The following RICTOR variants were observed in gnomAD, a reference collection of about 807,000 sequenced individuals.
The protein encoded by RICTOR is rapamycin-insensitive companion of mTOR.
A neutral mutation model predicts 214.9 loss-of-function variants in RICTOR; 49 were observed. The observed-to-expected ratio is 0.23, with a 90% CI of 0.18 to 0.29. The LOEUF (loss-of-function observed/expected upper bound fraction) is 0.29. RICTOR is among the 10% of genes least tolerant of loss of function. The probability of loss-of-function intolerance (pLI) is 1.00; values close to 1 mark genes in which losing one functional copy is unlikely to be tolerated. For synonymous variants in RICTOR, 717 were observed against 711.3 expected, an observed-to-expected ratio of 1.01 and a Z score of -0.13; for missense variants, 1,625 against 2,047.0, an observed-to-expected ratio of 0.79 and a Z score of 3.98.
chr5:39,017,146 C>T (rs903235498), intron 3 of RICTOR, among the ~76,000 whole-genome samples: 4 of 152,116 alleles, frequency 2.6e-5, no homozygotes, highest in African/African-American at 4.8e-5. Flanking sequence ...ATTCTTACCT[C>T]CATCCCCAAC....
At position 38,950,047 on chromosome 5, in the gene RICTOR, GCTTGT is replaced by G; in HGVS notation, c.3796_3800del (p.Thr1266ProfsTer8). On this transcript the variant is annotated frameshift_variant, in exon 31 of 38. Coordinates refer to ENST00000357387, the MANE Select transcript of RICTOR (RefSeq NM_152756.5). LOFTEE classifies it high-confidence loss of function. Reference sequence around the variant, plus strand: ...GGTTAGACTGTGGCGTCAAATAGTGGCTTGTCTTAATAGTTTTAGTACTTACCACA... The same window carrying G: ...GGTTAGACTGTGGCGTCAAATAGTGGCTTAATAGTTTTAGTACTTACCACA... 1 of 1,613,112 alleles carries G rather than the reference GCTTGT, an allele frequency of 6.2e-7. No individual in the cohort carries two copies. Among genetic ancestry groups the G allele is most frequent in the Admixed American group, 1.7e-5 (1 of 59,918 alleles).
At chr5:39,015,090 TA>T (rs1754844585) in intron 3 of RICTOR, among the ~76,000 whole-genome samples, 1 of 152,176 alleles carries the variant, frequency 6.6e-6, no homozygotes, top group Non-Finnish European at 1.5e-5. Flanking sequence ...CTCAGTTTAG[TA>T]ACAGAGCAAC....
intron 2 of RICTOR, among the ~76,000 whole-genome samples, chr5:39,071,560 T>C (rs1759324623): frequency 6.6e-6 from 1 of 152,202 alleles, no homozygotes; most frequent in Admixed American, 6.5e-5. Flanking sequence ...TTCTTAACCC[T>C]TTGAAGTTAT....
intron 2 of RICTOR, among the ~76,000 whole-genome samples, chr5:39,047,146 G>A (rs940311158): frequency 4.6e-5 from 7 of 152,076 alleles, no homozygotes; most frequent in African/African-American, 2.4e-5. Context: ...TCACATCCAA[G>A]TAGTCATCAA....
At position 38,939,807 on chromosome 5, in the gene RICTOR, G is replaced by T. The variant is rs1747338922; in HGVS notation, c.*2497C>A. The T allele has an allele frequency of 4.4e-6, 1 of 225,044 alleles. No individual in the cohort carries two copies. The highest frequency in any genetic ancestry group is 8.9e-6 in the Non-Finnish European group (1 of 112,870). 13.9% of individuals were successfully genotyped at this position (225,044 alleles called of 1,614,324 possible). A position where few individuals can be genotyped will look rare whatever the true frequency, so the allele number is the denominator to read the frequency against. On this transcript the variant is annotated 3_prime_UTR_variant, in exon 38 of 38. Transcript: ENST00000357387. ...TCTGTAATATCTATTATTTATAGAT[G>T]ATTTTCTCAATTATTTCTATTACTG...
chr5:38,977,400 A>C (rs189527979), intron 9 of RICTOR, among the ~76,000 whole-genome samples: 1 of 152,270 alleles, frequency 6.6e-6, no homozygotes, highest in African/African-American at 2.4e-5. Context: ...TCTCCACAAT[A>C]AGAGAATGTC....
Position 38,954,799 on chromosome 5 carries a change from G to T in RICTOR, c.2672C>A (p.Thr891Lys), listed in dbSNP as rs1561452850. 1 of 1,601,392 alleles carries T rather than the reference G, an allele frequency of 6.2e-7. No homozygotes were observed. Among genetic ancestry groups the T allele is most frequent in the Non-Finnish European group, 8.5e-7 (1 of 1,169,650 alleles). ...HLYGQLVHHK[T>K]GCHLLEVQNI... The stretch of plus-strand genomic sequence containing the variant: ...CTGTACTTCCAACAAATGGCAGCCT[G>T]TTTTATGGTGTACTAGTTGTCCATA... The change falls in exon 27 of 38, where the codon ACA (threonine) becomes AAA (lysine). Residue 891 changes from threonine to lysine, a missense_variant. Thr to Lys is a moderately conservative substitution (Grantham distance 78). Coordinates refer to ENST00000357387, the MANE Select transcript of RICTOR (RefSeq NM_152756.5).
In RICTOR at chr5:38,940,153, A is replaced by C. The variant is rs1037326431; in HGVS notation, c.*2151T>G. 16 of 229,010 alleles carry C rather than the reference A, an allele frequency of 7.0e-5. No individual in the cohort carries two copies. The highest frequency in any genetic ancestry group is 2.5e-4 in the African/African-American group (11 of 44,658). The allele number at this position is 229,010 out of a possible 1,614,324, so 14.2% of individuals were successfully genotyped here. A position where few individuals can be genotyped will look rare whatever the true frequency, so the allele number is the denominator to read the frequency against. On this transcript the variant is annotated 3_prime_UTR_variant, in exon 38 of 38. Coordinates refer to ENST00000357387, the MANE Select transcript of RICTOR (RefSeq NM_152756.5). The stretch of plus-strand genomic sequence containing the variant: ...AGTAAAAAAAAAAAACAAAAAAAAA[A>C]ACACAAAACATTCAGGCCAATACTA...
intron 31 of RICTOR, 123 bp downstream of exon 31, chr5:38,949,586 CCAT>C: frequency 9.5e-7 from 1 of 1,049,394 alleles, no homozygotes; most frequent in Non-Finnish European, 1.4e-6. Context: ...TTATAGCCTA[CCAT>C]AGTAAACAAT....
intron 2 of RICTOR, among the ~76,000 whole-genome samples, chr5:39,025,144 TCTC>T (rs1755715901): frequency 1.3e-5 from 2 of 152,102 alleles, no homozygotes; most frequent in South Asian, 4.1e-4. Flanking sequence ...TCTCCCTCCT[TCTC>T]CTCCTCAAAG....
chr5:39,054,755 T>G (rs1041738187), intron 2 of RICTOR, among the ~76,000 whole-genome samples: 2 of 152,212 alleles, frequency 1.3e-5, no homozygotes, highest in Non-Finnish European at 2.9e-5. Flanking sequence ...GAATACTCTA[T>G]GTTATATACT....
chr5:39,024,230 G>A (rs938345775), intron 2 of RICTOR, among the ~76,000 whole-genome samples: 7 of 152,140 alleles, frequency 4.6e-5, no homozygotes, highest in African/African-American at 9.7e-5. Context: ...TGTGCAGCCC[G>A]GTTCCTAGCA....
At chr5:39,051,624 G>A (rs1275234785) in intron 2 of RICTOR, among the ~76,000 whole-genome samples, 5 of 151,988 alleles carry the variant, frequency 3.3e-5, no homozygotes, top group Admixed American at 1.3e-4. Context: ...CATAGTGGTG[G>A]GCGCCTGTAA....
chr5:39,046,028 AAAAT>A (rs141969707), intron 2 of RICTOR, among the ~76,000 whole-genome samples: 4,126 of 140,214 alleles, frequency 0.029, 90 homozygotes, highest in South Asian at 0.083. Context: ...TCTGTCTTTA[AAAAT>A]AAATAAATAA....
intron 2 of RICTOR, among the ~76,000 whole-genome samples, chr5:39,028,765 G>A (rs1756052304): frequency 6.6e-6 from 1 of 152,260 alleles, no homozygotes; most frequent in South Asian, 2.1e-4. Flanking sequence ...GTGTGCAGTG[G>A]CTCGTGCCTG....
intron 2 of RICTOR, among the ~76,000 whole-genome samples, chr5:39,025,620 C>T (rs1755756393): frequency 6.6e-6 from 1 of 152,158 alleles, no homozygotes; most frequent in African/African-American, 2.4e-5. Context: ...ATCAGGGTGA[C>T]AGCATGGTCA....
intron 24 of RICTOR, among the ~76,000 whole-genome samples, chr5:38,958,218 CA>C (rs1749470990): frequency 6.6e-6 from 1 of 150,866 alleles, no homozygotes; most frequent in African/African-American, 2.4e-5. Flanking sequence ...GCCTGGATGA[CA>C]AAGCGAGGCC....
At chr5:38,998,196 T>A (rs890587478) in intron 5 of RICTOR, among the ~76,000 whole-genome samples, 2 of 152,194 alleles carry the variant, frequency 1.3e-5, no homozygotes, top group African/African-American at 4.8e-5. Context: ...CATACTAGAA[T>A]AAAACTTAAC....
chr5:38,954,242 T>C (rs1749042228), intron 27 of RICTOR, among the ~76,000 whole-genome samples: 1 of 151,974 alleles, frequency 6.6e-6, no homozygotes, highest in Non-Finnish European at 1.5e-5. Context: ...AACAGTTGCA[T>C]GACATATTCA....
Sources: gnomAD v4.1 joint callset for allele counts (sites outside exome capture counted in the v4.1 genomes callset) on GRCh38, gnomAD v4.1.1 for gene constraint, MANE v1.5 for transcripts, NCBI Gene and HGNC (gene_info 2026-07-23, HGNC 2026-07-21) for gene names.